The following NRXN3 variants were observed in gnomAD, a reference collection of about 807,000 sequenced individuals.
NRXN3 encodes neurexin 3.
Under a neutral mutation model 137.6 loss-of-function variants are expected in NRXN3, and 32 were observed. The ratio of observed to expected loss-of-function variants is 0.23; its 90% CI spans 0.18 to 0.31. The LOEUF is 0.31. Among genes scored for constraint, NRXN3 ranks in the 10% least tolerant of loss-of-function variants. The probability of loss-of-function intolerance (pLI) is 1.00; values close to 1 mark genes in which losing one functional copy is unlikely to be tolerated. For missense variants in NRXN3, 1,574 were observed against 2,062.5 expected (o/e 0.76, Z 4.59); for synonymous variants, 798 against 784.5 (o/e 1.02, Z -0.29).
At chr14:78,623,660 A>G (rs1183754664) in intron 4 of NRXN3, among the ~76,000 whole-genome samples, 1 of 152,108 alleles carries the variant, frequency 6.6e-6, no homozygotes, top group Non-Finnish European at 1.5e-5. Flanking sequence ...TCCGCCTCCC[A>G]GGTTCAAGCT....
At chr14:79,374,714 G>C (rs866463973) in intron 15 of NRXN3, among the ~76,000 whole-genome samples, 13 of 151,992 alleles carry the variant, frequency 8.6e-5, no homozygotes, top group Non-Finnish European at 1.2e-4. Flanking sequence ...GTAAGCCCAT[G>C]CTTCAAGATG....
At chr14:79,545,387 T>G (rs2097309516) in intron 16 of NRXN3, among the ~76,000 whole-genome samples, 2 of 152,114 alleles carry the variant, frequency 1.3e-5, no homozygotes, top group South Asian at 4.1e-4. Flanking sequence ...CAGATGTTGT[T>G]TTTAAAAATG....
At chr14:79,349,728 A>G (rs1047481370) in intron 15 of NRXN3, among the ~76,000 whole-genome samples, 1 of 152,162 alleles carries the variant, frequency 6.6e-6, no homozygotes, top group African/African-American at 2.4e-5. Flanking sequence ...TAACAGAGGT[A>G]ATCAAGTTAA....
chr14:79,686,288 T>G (rs1212307185), intron 17 of NRXN3, among the ~76,000 whole-genome samples: 1 of 151,510 alleles, frequency 6.6e-6, no homozygotes, highest in Non-Finnish European at 1.5e-5. Flanking sequence ...GTCTACAGGC[T>G]CATCAGAGAG....
intron 19 of NRXN3, among the ~76,000 whole-genome samples, chr14:79,764,164 GT>G (rs3062527): frequency 0.095 from 3,810 of 39,986 alleles, 57 homozygotes; most frequent in Middle Eastern, 0.13. Context: ...CTTTTGGTGG[GT>G]GGGGGGGGTG....
chr14:78,704,397 A>G lies in NRXN3; in HGVS notation c.1222-4820A>G, dbSNP rs530358542. On this transcript the variant is annotated intron_variant, in intron 6 of 20. Transcript: ENST00000335750. ...GCACCATTTAGAGAGGCTGGAGAGA[A>G]GAGAAAGGCACTGCAGCCTAGGAAA... Among the ~76,000 whole-genome samples, 32 of 152,298 alleles carry G rather than the reference A, an allele frequency of 2.1e-4. No individual in the cohort carries two copies. In the South Asian group the frequency reaches 6.2e-3, roughly 30 times the overall value.
At chr14:79,289,377 T>G (rs2082785990) in intron 15 of NRXN3, among the ~76,000 whole-genome samples, 1 of 152,158 alleles carries the variant, frequency 6.6e-6, no homozygotes, top group Non-Finnish European at 1.5e-5. Flanking sequence ...TCCCAACACT[T>G]GGGAGGCCAA....
Position 78,742,756 on chromosome 14 carries a change from A to G in NRXN3, c.2044+27617A>G, listed in dbSNP as rs557126463. 2.0e-4 allele frequency among the ~76,000 whole-genome samples: 31 copies of G among 152,330 alleles called. 1 individual carries two copies. In the South Asian group the frequency reaches 6.0e-3, roughly 30 times the overall value. On this transcript the variant is annotated intron_variant, in intron 8 of 20. Coordinates refer to ENST00000335750, the MANE Select transcript of NRXN3 (RefSeq NM_001330195.2). Reference sequence around the variant, plus strand: ...TTCTTATTCCATTATGTAGGTAATGAAAGTTTGTATGTAAATAAAAGTTTA... The same window carrying G: ...TTCTTATTCCATTATGTAGGTAATGGAAGTTTGTATGTAAATAAAAGTTTA...
intron 16 of NRXN3, among the ~76,000 whole-genome samples, chr14:79,527,050 G>C (rs1368144111): frequency 6.6e-6 from 1 of 152,136 alleles, no homozygotes; most frequent in Non-Finnish European, 1.5e-5. Context: ...AGTTTGGGAG[G>C]CTGAGGCAGG....
intron 15 of NRXN3, among the ~76,000 whole-genome samples, chr14:79,399,027 A>AAAG: frequency 7.5e-6 from 1 of 133,304 alleles, no homozygotes; most frequent in Middle Eastern, 3.9e-3. Flanking sequence ...AAAAAAAAAA[A>AAAG]GAAGAAGAAA....
At chr14:79,015,251 G>A (rs72685476) in intron 15 of NRXN3, among the ~76,000 whole-genome samples, 12,939 of 152,106 alleles carry the variant, frequency 0.085, 703 homozygotes, top group Non-Finnish European at 0.12. Context: ...CTACAATTGC[G>A]TAACTGAATG....
At chr14:78,226,225 G>T (rs138556973) in intron 1 of NRXN3, among the ~76,000 whole-genome samples, 48 of 152,166 alleles carry the variant, frequency 3.2e-4, no homozygotes, top group South Asian at 2.5e-3. Context: ...GGATGATCTC[G>T]ATCTTCTGAC....
chr14:78,247,141 C>T (rs761404126), intron 2 of NRXN3, among the ~76,000 whole-genome samples: 26 of 152,296 alleles, frequency 1.7e-4, no homozygotes, highest in Non-Finnish European at 2.8e-4. Flanking sequence ...AGCCCCCCTG[C>T]GGTGTTGCTG....
At chr14:78,621,602 C>A (rs1465033830) in intron 4 of NRXN3, among the ~76,000 whole-genome samples, 2 of 152,150 alleles carry the variant, frequency 1.3e-5, no homozygotes, top group Admixed American at 1.3e-4. Flanking sequence ...CCTCAGAAAG[C>A]ATTTGTTAAT....
chr14:79,068,218 T>A (rs116322642), intron 15 of NRXN3, among the ~76,000 whole-genome samples: 1,896 of 152,218 alleles, frequency 0.012, 36 homozygotes, highest in African/African-American at 0.04. Context: ...TTATGGAGTA[T>A]ACATTTTATT....
rs1014088305 is a variant in NRXN3, at chr14:79,006,907, G to T, written c.3262+18766G>T. Among the ~76,000 whole-genome samples, 3 of 152,212 alleles carry T rather than the reference G, an allele frequency of 2.0e-5. No individual in the cohort carries two copies. In the East Asian group the frequency reaches 5.8e-4, roughly 29 times the overall value. ...ACTGTGCCCCATCTCCAGACTTCTA[G>T]CTAAATGAAGTACTACAGGGCTCTG... On this transcript the variant is annotated intron_variant, in intron 15 of 20. Coordinates refer to ENST00000335750, the MANE Select transcript of NRXN3 (RefSeq NM_001330195.2).
intron 15 of NRXN3, among the ~76,000 whole-genome samples, chr14:79,328,138 A>G (rs551337817): frequency 3.9e-5 from 6 of 152,336 alleles, no homozygotes; most frequent in Non-Finnish European, 7.3e-5. Context: ...TTTAACAGAA[A>G]AGGAAAAAGA....
intron 16 of NRXN3, among the ~76,000 whole-genome samples, chr14:79,529,110 T>C (rs1271314170): frequency 2.0e-5 from 3 of 151,932 alleles, no homozygotes; most frequent in Non-Finnish European, 4.4e-5. Context: ...CAGCTGGGAG[T>C]ATGGGCCAGC....
chr14:79,130,881 T>C (rs1320329658), intron 15 of NRXN3, among the ~76,000 whole-genome samples: 1 of 152,104 alleles, frequency 6.6e-6, no homozygotes, highest in Non-Finnish European at 1.5e-5. Context: ...CTCATTTCTT[T>C]TTATTCTTTT....
Sources: gnomAD v4.1 joint callset for allele counts (sites outside exome capture counted in the v4.1 genomes callset) on GRCh38, gnomAD v4.1.1 for gene constraint, MANE v1.5 for transcripts, NCBI Gene and HGNC (gene_info 2026-07-23, HGNC 2026-07-21) for gene names.